The following CORIN variants were observed in gnomAD, a reference collection of about 807,000 sequenced individuals.
The protein encoded by CORIN is corin, serine peptidase, also known as atrial natriuretic peptide-converting enzyme.
A neutral mutation model predicts 125.3 loss-of-function variants in CORIN; 117 were observed. The ratio of observed to expected loss-of-function variants is 0.93; its 90% CI spans 0.80 to 1.09. The LOEUF is 1.09. Ranked by LOEUF, CORIN falls within the 50% of genes least tolerant of loss-of-function variation. The pLI is 0.00. For missense variants in CORIN, 1,253 were observed against 1,306.7 expected (o/e 0.96, Z 0.63); for synonymous variants, 450 against 466.4 (o/e 0.96, Z 0.45).
At chr4:47,711,208 C>G (rs996477322) in intron 5 of CORIN, among the ~76,000 whole-genome samples, 1 of 152,192 alleles carries the variant, frequency 6.6e-6, no homozygotes, top group Non-Finnish European at 1.5e-5. Flanking sequence ...CAAAGTCCAT[C>G]CTGCAGGAGC....
At chr4:47,635,297 C>A (rs1683942517) in intron 16 of CORIN, among the ~76,000 whole-genome samples, 1 of 148,448 alleles carries the variant, frequency 6.7e-6, no homozygotes, top group South Asian at 2.2e-4. Flanking sequence ...GTTAGAGGAA[C>A]AAATTACAAA....
chr4:47,606,748 C>T (rs955376469), intron 19 of CORIN, among the ~76,000 whole-genome samples: 8 of 148,194 alleles, frequency 5.4e-5, no homozygotes, highest in African/African-American at 2.0e-4. Context: ...TTATTTCTTC[C>T]TTCTCTTCCT....
At chr4:47,603,849 G>A (rs945354390) in intron 19 of CORIN, among the ~76,000 whole-genome samples, 181 bp from the exon 20 acceptor site, 1 of 152,116 alleles carries the variant, frequency 6.6e-6, no homozygotes, top group African/African-American at 2.4e-5. Flanking sequence ...AAGTATTATT[G>A]TTGCAGAAAG....
At chr4:47,679,982 T>C (rs2109711135) in intron 8 of CORIN, 159 bp downstream of exon 8, 1 of 541,436 alleles carries the variant, frequency 1.8e-6, no homozygotes, top group Non-Finnish European at 3.3e-6. Context: ...TGTCATCCCA[T>C]GACTCAGTGA....
chr4:47,718,120 A>G (rs572937681), intron 5 of CORIN, among the ~76,000 whole-genome samples: 1 of 152,324 alleles, frequency 6.6e-6, no homozygotes, highest in South Asian at 2.1e-4. Context: ...ATGGACACAC[A>G]ACATTAGCAA....
At position 47,784,639 on chromosome 4, in the gene CORIN, A is replaced by C. The variant is rs75107420; in HGVS notation, c.409+2086T>G. Among the ~76,000 whole-genome samples the C allele has an allele frequency of 4.4e-3, 677 of 152,352 alleles. 8 individuals carry two copies. The highest frequency in any genetic ancestry group is 0.016 in the African/African-American group (668 of 41,586). On this transcript the variant is annotated intron_variant, in intron 3 of 21. Transcript: ENST00000273857. ...AGTAGAAGAAAATAACAATTACTGT[A>C]ATTGCAACCACATTAACTTGACTGA...
intron 2 of CORIN, among the ~76,000 whole-genome samples, chr4:47,794,091 A>G (rs1731190534): frequency 6.6e-6 from 1 of 152,218 alleles, no homozygotes; most frequent in Non-Finnish European, 1.5e-5. Flanking sequence ...AAGAATTTGA[A>G]GTCTTAAGTA....
At chr4:47,601,163 C>A (rs554604995) in intron 20 of CORIN, among the ~76,000 whole-genome samples, 2 of 152,142 alleles carry the variant, frequency 1.3e-5, no homozygotes, top group South Asian at 2.1e-4. Flanking sequence ...AGAATAAGAA[C>A]AATAGCTAAC....
Position 47,626,380 on chromosome 4 carries a change from A to T in CORIN, c.2315+25T>A, listed in dbSNP as rs760254243. On this transcript the variant is annotated intron_variant, in intron 17 of 21. Transcript: ENST00000273857. ...CTCTTGCTCTGTAATCTGACTCTAC[A>T]CAGCTCTTATGAATGCATTCTTACC... 5.2e-5 allele frequency: 69 copies of T among 1,321,248 alleles called. 1 individual carries two copies. In the East Asian group the frequency reaches 1.6e-3, roughly 30 times the overall value. The allele number at this position is 1,321,248 out of a possible 1,614,324, so 81.8% of individuals were successfully genotyped here. A position where few individuals can be genotyped will look rare whatever the true frequency, so the allele number is the denominator to read the frequency against.
At chr4:47,791,153 A>G (rs1228803583) in intron 2 of CORIN, among the ~76,000 whole-genome samples, 1 of 152,134 alleles carries the variant, frequency 6.6e-6, no homozygotes, top group Non-Finnish European at 1.5e-5. Flanking sequence ...ACTATCCTGG[A>G]TTATTCAGGT....
At chr4:47,601,608 A>G (rs1485053251) in intron 20 of CORIN, among the ~76,000 whole-genome samples, 1 of 152,030 alleles carries the variant, frequency 6.6e-6, no homozygotes, top group Non-Finnish European at 1.5e-5. Context: ...AGTGTGCGTT[A>G]TGTTGCACTA....
At chr4:47,809,372 C>G (rs1276713093) in intron 1 of CORIN, among the ~76,000 whole-genome samples, 1 of 129,322 alleles carries the variant, frequency 7.7e-6, no homozygotes, top group African/African-American at 3.0e-5. Flanking sequence ...CAAATATTTT[C>G]TTCAGTGACA....
At chr4:47,786,596 C>T (rs751800706) in intron 3 of CORIN, 129 bp downstream of exon 3, 15 of 695,146 alleles carry the variant, frequency 2.2e-5, no homozygotes, top group Non-Finnish European at 3.7e-5. Flanking sequence ...CTACGCTTAC[C>T]AGGAAACTGA....
At chr4:47,609,168 T>C (rs1279779720) in intron 19 of CORIN, among the ~76,000 whole-genome samples, 1 of 152,186 alleles carries the variant, frequency 6.6e-6, no homozygotes, top group African/African-American at 2.4e-5. Context: ...TATGGCATCA[T>C]TGCTGTTCTA....
chr4:47,615,429 G>A (rs996879025), intron 19 of CORIN, among the ~76,000 whole-genome samples: 2 of 152,130 alleles, frequency 1.3e-5, no homozygotes, highest in African/African-American at 4.8e-5. Flanking sequence ...TGGATTGGTC[G>A]TGTCCCTCTA....
intron 10 of CORIN, among the ~76,000 whole-genome samples, chr4:47,671,945 T>C (rs543569487): frequency 3.3e-5 from 5 of 152,248 alleles, no homozygotes; most frequent in Non-Finnish European, 7.4e-5. Context: ...GCCTAGTGGC[T>C]TTTACTCAGA....
intron 5 of CORIN, among the ~76,000 whole-genome samples, chr4:47,712,773 G>A (rs1726909596): frequency 6.6e-6 from 1 of 152,134 alleles, no homozygotes; most frequent in Admixed American, 6.6e-5. Flanking sequence ...AATACATGAG[G>A]TGTTAAAATA....
intron 19 of CORIN, among the ~76,000 whole-genome samples, chr4:47,611,507 G>A (rs1445809432): frequency 6.6e-6 from 1 of 152,164 alleles, no homozygotes; most frequent in Non-Finnish European, 1.5e-5. Context: ...AGACAATGGG[G>A]TTTTCTAGAT....
At chr4:47,637,554 A>G (rs1723074655) in intron 16 of CORIN, among the ~76,000 whole-genome samples, 1 of 152,200 alleles carries the variant, frequency 6.6e-6, no homozygotes, top group Non-Finnish European at 1.5e-5. Flanking sequence ...CATGACAGCT[A>G]TGACTAAAAG....
Sources: gnomAD v4.1 joint callset for allele counts (sites outside exome capture counted in the v4.1 genomes callset) on GRCh38, gnomAD v4.1.1 for gene constraint, MANE v1.5 for transcripts, NCBI Gene and HGNC (gene_info 2026-07-23, HGNC 2026-07-21) for gene names.